Variants in PDE4B observed in about 807,000 individuals in gnomAD.
PDE4B encodes the protein 3',5'-cyclic-AMP phosphodiesterase 4B.
PDE4B carries 20 observed loss-of-function variants against 82.2 expected under a neutral mutation model. The ratio of observed to expected loss-of-function variants is 0.24; its 90% CI spans 0.17 to 0.35. PDE4B has a LOEUF of 0.35. Ranked by LOEUF, PDE4B falls within the 10% of genes least tolerant of loss-of-function variation. The pLI, the probability that PDE4B is intolerant of heterozygous loss-of-function variation, is 1.00. For synonymous variants in PDE4B, 320 were observed against 318.9 expected, an observed-to-expected ratio of 1.00 and a Z score of -0.04; for missense variants, 655 against 907.2, an observed-to-expected ratio of 0.72 and a Z score of 3.57.
At chr1:65,945,669 G>C (rs1297511529) in intron 3 of PDE4B, among the ~76,000 whole-genome samples, 1 of 152,014 alleles carries the variant, frequency 6.6e-6, no homozygotes, top group Non-Finnish European at 1.5e-5. Context: ...CATAGACTCT[G>C]TCTCTATCAC....
chr1:66,052,593 C>G (rs1418869914), intron 3 of PDE4B, among the ~76,000 whole-genome samples: 1 of 131,160 alleles, frequency 7.6e-6, no homozygotes, highest in Non-Finnish European at 1.6e-5. Flanking sequence ...TCTTTTCTTT[C>G]CTCTTCTGTT....
chr1:66,358,407 G>C (rs767636740), intron 9 of PDE4B, among the ~76,000 whole-genome samples: 1 of 152,200 alleles, frequency 6.6e-6, no homozygotes, highest in African/African-American at 2.4e-5. Context: ...GGGCGTGGCA[G>C]CTCATGCCTG....
At chr1:66,142,883 ACC>A (rs1646200516) in intron 3 of PDE4B, among the ~76,000 whole-genome samples, 1 of 152,206 alleles carries the variant, frequency 6.6e-6, no homozygotes, top group Admixed American at 6.5e-5. Flanking sequence ...CAGTTCAGCT[ACC>A]AGAAAAGGTC....
intron 3 of PDE4B, among the ~76,000 whole-genome samples, chr1:66,198,986 AC>A (rs1204561165): frequency 2.6e-5 from 4 of 152,104 alleles, no homozygotes; most frequent in Admixed American, 2.6e-4. Context: ...TATATGTGCC[AC>A]ATTTTCTTAA....
chr1:66,032,103 C>T (rs1252728961), intron 3 of PDE4B, among the ~76,000 whole-genome samples: 1 of 152,208 alleles, frequency 6.6e-6, no homozygotes, highest in African/African-American at 2.4e-5. Flanking sequence ...CAGCAGGTAG[C>T]TGAACTTCTC....
chr1:65,924,309 C>T (rs1357082404), intron 3 of PDE4B, among the ~76,000 whole-genome samples: 1 of 150,318 alleles, frequency 6.7e-6, no homozygotes, highest in Non-Finnish European at 1.5e-5. Flanking sequence ...CTCCTGACCT[C>T]GTGATCCGCC....
chr1:65,901,480 G>A (rs774617740), intron 1 of PDE4B, among the ~76,000 whole-genome samples: 4 of 151,846 alleles, frequency 2.6e-5, no homozygotes, highest in Non-Finnish European at 4.4e-5. Flanking sequence ...AGGGAGAAGT[G>A]CTCTTCTTGT....
intron 1 of PDE4B, among the ~76,000 whole-genome samples, chr1:65,868,283 C>T (rs936224356): frequency 5.9e-5 from 9 of 152,134 alleles, no homozygotes; most frequent in Non-Finnish European, 1.3e-4. Context: ...ATTGATATTA[C>T]TACTATGTTC....
At chr1:65,886,864 T>A (rs887711182) in intron 1 of PDE4B, among the ~76,000 whole-genome samples, 1 of 152,184 alleles carries the variant, frequency 6.6e-6, no homozygotes. Flanking sequence ...TTTATACACT[T>A]ATTTATTTTC....
chr1:66,119,281 T>C (rs1266493089), intron 3 of PDE4B, among the ~76,000 whole-genome samples: 4 of 152,186 alleles, frequency 2.6e-5, no homozygotes, highest in Non-Finnish European at 5.9e-5. Context: ...TATTCGGTGG[T>C]GTGTTTTCCA....
chr1:65,887,961 C>T (rs1450489627), intron 1 of PDE4B, among the ~76,000 whole-genome samples: 1 of 152,086 alleles, frequency 6.6e-6, no homozygotes, highest in African/African-American at 2.4e-5. Flanking sequence ...ACTGTAGTCT[C>T]ATTTGTCTAT....
At position 66,073,780 on chromosome 1, in the gene PDE4B, C is replaced by T. The variant is rs193040091; in HGVS notation, c.281+154945C>T. Among the ~76,000 whole-genome samples, 408 of 152,248 alleles carry T rather than the reference C, an allele frequency of 2.7e-3. 2 individuals are homozygous for T. The highest frequency in any genetic ancestry group is 4.4e-3 in the Non-Finnish European group (300 of 68,018). On this transcript the variant is annotated intron_variant, in intron 3 of 16. Coordinates refer to ENST00000341517, the MANE Select transcript of PDE4B (RefSeq NM_002600.4). Reference sequence around the variant, plus strand: ...GGCACCCCTGTGGACCATATTTGAACACTTAGCCTAGTTTCAGATGCTGCC... The same window carrying T: ...GGCACCCCTGTGGACCATATTTGAATACTTAGCCTAGTTTCAGATGCTGCC...
intron 1 of PDE4B, among the ~76,000 whole-genome samples, chr1:65,852,990 C>G (rs1166069274): frequency 1.3e-5 from 2 of 151,860 alleles, no homozygotes; most frequent in Non-Finnish European, 2.9e-5. Flanking sequence ...TTGAATTATC[C>G]AATTATAATT....
chr1:66,117,645 G>A (rs1331868452), intron 3 of PDE4B, among the ~76,000 whole-genome samples: 2 of 152,018 alleles, frequency 1.3e-5, no homozygotes, highest in Admixed American at 1.3e-4. Flanking sequence ...TCCATAGTGA[G>A]TACTCAATTT....
At chr1:65,928,162 A>G (rs553005399) in intron 3 of PDE4B, among the ~76,000 whole-genome samples, 1 of 150,558 alleles carries the variant, frequency 6.6e-6, no homozygotes, top group African/African-American at 2.5e-5. Context: ...CAAATTGTCG[A>G]TAACGTAGTG....
At chr1:65,893,476 C>T (rs1260574586) in intron 1 of PDE4B, among the ~76,000 whole-genome samples, 3 of 151,832 alleles carry the variant, frequency 2.0e-5, no homozygotes, top group Middle Eastern at 3.2e-3. Flanking sequence ...CTGCAAGAAT[C>T]GCCATAATTA....
At chr1:66,009,953 C>CTATGT (rs71058442) in intron 3 of PDE4B, among the ~76,000 whole-genome samples, 16 of 136,598 alleles carry the variant, frequency 1.2e-4, no homozygotes, top group African/African-American at 4.4e-4. Context: ...ATCTATCTAT[C>CTATGT]ATCTATCTAT....
intron 7 of PDE4B, chr1:66,330,721 T>C: frequency 1.8e-5 from 17 of 962,292 alleles, no homozygotes; most frequent in Non-Finnish European, 2.1e-5. Flanking sequence ...TTGGAAGAAG[T>C]GCTCTTCTGG....
rs546735831 is a variant in PDE4B, at chr1:65,983,403, C to T, written c.281+64568C>T. The stretch of plus-strand genomic sequence containing the variant: ...TGAATTTTTGGGGTCAGAGGATGGA[C>T]GTTTATGGGTTTGTGTCCTCCCCAA... On this transcript the variant is annotated intron_variant, in intron 3 of 16. Coordinates refer to ENST00000341517, the MANE Select transcript of PDE4B (RefSeq NM_002600.4). Among the ~76,000 whole-genome samples, 6 of 152,186 alleles carry T rather than the reference C, an allele frequency of 3.9e-5. No individual in the cohort carries two copies. In the East Asian group the frequency reaches 5.8e-4, roughly 15 times the overall value.
Sources: allele counts gnomAD v4.1 joint callset (sites outside exome capture counted in the v4.1 genomes callset), GRCh38; gene constraint gnomAD v4.1.1; transcripts MANE v1.5; gene names NCBI Gene and HGNC (gene_info 2026-07-23, HGNC 2026-07-21).